The following CD46 variants were observed in gnomAD, a reference collection of about 807,000 sequenced individuals.
CD46 encodes the protein CD46 molecule.
A neutral mutation model predicts 53.3 loss-of-function variants in CD46; 30 were observed. The ratio of observed to expected loss-of-function variants is 0.56; its 90% confidence interval spans 0.42 to 0.76. The LOEUF (loss-of-function observed/expected upper bound fraction) is 0.76. CD46 is among the 30% of genes least tolerant of loss of function. The probability of loss-of-function intolerance (pLI) is 0.00; values close to 1 mark genes in which losing one functional copy is unlikely to be tolerated. For synonymous variants in CD46, 142 were observed against 152.0 expected (o/e 0.93, Z 0.48); for missense variants, 409 against 463.0 (o/e 0.88, Z 1.07).
chr1:207,788,226 A>G lies in CD46; in HGVS notation c.1083-2027A>G, dbSNP rs140192748. Among the ~76,000 whole-genome samples, 778 of 152,244 alleles carry G rather than the reference A, an allele frequency of 5.1e-3. 8 individuals carry two copies. Among genetic ancestry groups the G allele is most frequent in the African/African-American group, 0.018 (735 of 41,532 alleles). ...TACCTTCTTTAACTCTTAAAAAACAAAGATTTCCAGCCGGGCCTGGTGGCT... is the reference window on the plus strand; with the variant it reads ...TACCTTCTTTAACTCTTAAAAAACAGAGATTTCCAGCCGGGCCTGGTGGCT... On this transcript the variant is annotated intron_variant, in intron 11 of 12. Transcript: ENST00000367042.
chr1:207,781,043 AACACCTCT>A (rs1284696382), intron 8 of CD46, among the ~76,000 whole-genome samples: 1 of 151,430 alleles, frequency 6.6e-6, no homozygotes, highest in African/African-American at 2.4e-5. Context: ...TAATGACCCA[AACACCTCT>A]TAAAGGCGCC....
intron 8 of CD46, among the ~76,000 whole-genome samples, chr1:207,781,169 T>C (rs1658700419): frequency 6.7e-6 from 1 of 149,970 alleles, no homozygotes; most frequent in Non-Finnish European, 1.5e-5. Context: ...ATACTAGATA[T>C]GCATTTCCCT....
intron 6 of CD46, 55 bp downstream of exon 6, chr1:207,767,250 T>C: frequency 1.4e-6 from 2 of 1,438,960 alleles, no homozygotes; most frequent in Non-Finnish European, 9.8e-7. Flanking sequence ...GCTGTTCATT[T>C]TAGACTTTAT....
chr1:207,785,241 T>C (rs914898994), intron 10 of CD46, 135 bp downstream of exon 10: 24 of 713,610 alleles, frequency 3.4e-5, no homozygotes, highest in Non-Finnish European at 5.7e-5. Context: ...AACCTGACTT[T>C]TTATTTGATA....
At position 207,757,105 on chromosome 1, in the gene CD46, G is replaced by C; in HGVS notation, c.189G>C (p.Lys63Asn). The C allele has an allele frequency of 1.9e-6, 3 of 1,613,904 alleles. No homozygotes were observed. In the South Asian group the frequency reaches 3.3e-5, roughly 18 times the overall value. ...YYEIGERVDY[K>N]CKKGYFYIPP... ...AGATTGGTGAACGAGTAGATTATAA[G>C]TGTAAAAAAGGATACTTCTATATAC... The change falls in exon 2 of 13, where the codon AAG (lysine) becomes AAC (asparagine). Residue 63 changes from lysine (K) to asparagine (N), a missense_variant. Physicochemically the swap from Lys to Asn is moderately conservative, Grantham distance 94 (BLOSUM62 0). Coordinates refer to ENST00000367042, the MANE Select transcript of CD46 (RefSeq NM_172351.3).
chr1:207,792,486 A>AT (rs1659891105), intron 12 of CD46, among the ~76,000 whole-genome samples: 1 of 152,102 alleles, frequency 6.6e-6, no homozygotes. Flanking sequence ...AATTTTTTGA[A>AT]TTTTTGCAGT....
intron 11 of CD46, among the ~76,000 whole-genome samples, chr1:207,789,332 TAATA>T (rs1659575542): frequency 6.6e-6 from 1 of 152,240 alleles, no homozygotes; most frequent in Non-Finnish European, 1.5e-5. Context: ...AATGTTACAT[TAATA>T]TTGACTGACC....
rs187984918 is a variant in CD46 at position 207,767,361 on chromosome 1, G to A, written c.856+166G>A. On this transcript the variant is annotated intron_variant, in intron 6 of 12. Transcript: ENST00000367042. Reference sequence around the variant, plus strand: ...CATTTCTATGCCAGATGAATGACACGAAATTCACATAAAATTCTGCTGTTG... The same window carrying A: ...CATTTCTATGCCAGATGAATGACACAAAATTCACATAAAATTCTGCTGTTG... 28 of 748,632 alleles carry A rather than the reference G, an allele frequency of 3.7e-5. No individual in the cohort carries two copies. The Admixed American group carries it at 5.4e-4, about 15-fold the overall frequency. The allele number at this position is 748,632 out of a possible 1,614,324, so 46.4% of individuals were successfully genotyped here. A position where few individuals can be genotyped will look rare whatever the true frequency, so the allele number is the denominator to read the frequency against.
In CD46 at chr1:207,794,987, T is replaced by C. The variant is rs958564766; in HGVS notation, c.*1510T>C. Reference sequence around the variant, plus strand: ...AGACATGTTTATAGTGCTCTGTAAATGTTCCTTTCCTTTGTAGTCTCTGGC... The same window carrying C: ...AGACATGTTTATAGTGCTCTGTAAACGTTCCTTTCCTTTGTAGTCTCTGGC... On this transcript the variant is annotated 3_prime_UTR_variant, in exon 13 of 13. Transcript: ENST00000367042. 3.3e-5 allele frequency: 5 copies of C among 152,236 alleles called. No individual in the cohort carries two copies. Among genetic ancestry groups the C allele is most frequent in the Admixed American group, 2.6e-4 (4 of 15,284 alleles). 9.4% of individuals were successfully genotyped at this position (152,236 alleles called of 1,614,324 possible).
In CD46 at chr1:207,759,708, GC is replaced by G. The variant is rs763131793; in HGVS notation, c.464del (p.Pro155GlnfsTer14). 6.2e-7 allele frequency: 1 copy of G among 1,604,188 alleles called. No individual in the cohort carries two copies. On this transcript the variant is annotated frameshift_variant, in exon 4 of 13. Transcript: ENST00000367042. LOFTEE classifies it high-confidence loss of function. The stretch of plus-strand genomic sequence containing the variant: ...GATCAGTAGCAATTTGGAGCGGTAA[GC>G]CCCCAATATGTGAAAGTAAGTAAAT... ...KGSVAIWSGKPPICEKVLCTP... is the reference protein window; with the variant it reads ...KGSVAIWSGKXPICEKVLCTP...
At chr1:207,753,689 A>C (rs1400549618) in intron 1 of CD46, among the ~76,000 whole-genome samples, 1 of 152,112 alleles carries the variant, frequency 6.6e-6, no homozygotes, top group Non-Finnish European at 1.5e-5. Flanking sequence ...AAACAAACAA[A>C]AAAAAAACCC....
Position 207,757,085 on chromosome 1 carries a change from G to A in CD46, c.169G>A (p.Gly57Ser), listed in dbSNP as rs777966042. ...IGKPKPYYEIGERVDYKCKKG... is the reference protein window; with the variant it reads ...IGKPKPYYEISERVDYKCKKG... ...TAAACCAAAACCCTACTATGAGATTGGTGAACGAGTAGATTATAAGTGTAA... is the reference window on the plus strand; with the variant it reads ...TAAACCAAAACCCTACTATGAGATTAGTGAACGAGTAGATTATAAGTGTAA... The change falls in exon 2 of 13, where the codon GGT becomes AGT. Residue 57 changes from glycine (G) to serine (S), a missense_variant. Coordinates refer to ENST00000367042, the MANE Select transcript of CD46 (RefSeq NM_172351.3). 5.6e-6 allele frequency: 9 copies of A among 1,613,850 alleles called. No individual in the cohort carries two copies. Among genetic ancestry groups the A allele is most frequent in the African/African-American group, 5.3e-5 (4 of 74,924 alleles).
intron 3 of CD46, among the ~76,000 whole-genome samples, chr1:207,759,121 T>A (rs556249697): frequency 6.6e-6 from 1 of 152,224 alleles, no homozygotes; most frequent in Non-Finnish European, 1.5e-5. Context: ...TAGCACTATC[T>A]ATGTGCCAAA....
intron 7 of CD46, chr1:207,769,481 T>G (rs955322159): frequency 7.2e-5 from 11 of 152,200 alleles, no homozygotes; most frequent in African/African-American, 2.7e-4. Flanking sequence ...TGATACAGTC[T>G]TTTGAAAGAG....
At position 207,770,044 on chromosome 1, in the gene CD46, G is replaced by A. The variant is rs1657310699; in HGVS notation, c.902-277G>A. 9 of 399,326 alleles carry A rather than the reference G, an allele frequency of 2.3e-5. No homozygotes were observed. In the South Asian group the frequency reaches 2.3e-4, roughly 10 times the overall value. 24.7% of individuals were successfully genotyped at this position (399,326 alleles called of 1,614,324 possible). On this transcript the variant is annotated intron_variant, in intron 7 of 12. Coordinates refer to ENST00000367042, the MANE Select transcript of CD46 (RefSeq NM_172351.3). ...GCCTCCCACAGTGCTGGGATTACAG[G>A]CGTGAGCCACCACACCCATCCTCAC...
Position 207,793,649 on chromosome 1 carries a change from A to G in CD46, c.*172A>G, listed in dbSNP as rs1660007689. 2 of 1,396,302 alleles carry G rather than the reference A, an allele frequency of 1.4e-6. No homozygotes were observed. The highest frequency in any genetic ancestry group is 2.8e-5 in the African/African-American group (2 of 70,668). 86.5% of individuals were successfully genotyped at this position (1,396,302 alleles called of 1,614,324 possible). ...TTTTGACTCTATTAAAATCTTCAAT[A>G]GTTGTTATTCTGTAGTTTCACTCTC... On this transcript the variant is annotated 3_prime_UTR_variant, in exon 13 of 13. Coordinates refer to ENST00000367042, the MANE Select transcript of CD46 (RefSeq NM_172351.3).
At chr1:207,753,024 A>G (rs554480331) in intron 1 of CD46, among the ~76,000 whole-genome samples, 1 of 147,450 alleles carries the variant, frequency 6.8e-6, no homozygotes, top group Non-Finnish European at 1.5e-5. Context: ...CCTTCTGTGA[A>G]CAGTCTCCGT....
intron 6 of CD46, chr1:207,767,429 A>G (rs567994464): frequency 6.4e-5 from 45 of 706,900 alleles, no homozygotes; most frequent in South Asian, 3.4e-5. Flanking sequence ...CGTTATGTAC[A>G]TTGCATGGGT....
intron 8 of CD46, among the ~76,000 whole-genome samples, chr1:207,780,430 CATTT>C (rs1658620811): frequency 1.3e-5 from 2 of 151,988 alleles, no homozygotes; most frequent in Non-Finnish European, 2.9e-5. Flanking sequence ...TACTATATTT[CATTT>C]ATTCATTCAT....
Sources: allele counts gnomAD v4.1 joint callset (sites outside exome capture counted in the v4.1 genomes callset), GRCh38; gene constraint gnomAD v4.1.1; transcripts MANE v1.5; gene names NCBI Gene and HGNC (gene_info 2026-07-23, HGNC 2026-07-21).